Variants in IL1RAPL1 observed in about 807,000 individuals in gnomAD.
IL1RAPL1 encodes interleukin-1 receptor accessory protein-like 1.
In IL1RAPL1, 3 loss-of-function variants were observed where a neutral mutation model predicts 48.4. The observed-to-expected ratio is 0.06, with a 90% confidence interval of 0.03 to 0.16. IL1RAPL1 has a LOEUF of 0.16. IL1RAPL1 is among the 10% of genes least tolerant of loss of function. IL1RAPL1 has a pLI of 1.00. For synonymous variants in IL1RAPL1, 185 were observed against 187.7 expected (o/e 0.99, Z 0.12); for missense variants, 349 against 530.6 (o/e 0.66, Z 3.36).
intron 6 of IL1RAPL1, among the ~76,000 whole-genome samples, chrX:29,910,461 CTTGT>C (rs1395874248): frequency 1.8e-5 from 2 of 110,925 alleles, no homozygotes; most frequent in African/African-American, 6.5e-5. Flanking sequence ...ATTGTATATT[CTTGT>C]TTAACATATG....
chrX:29,384,436 A>C (rs185028307), intron 3 of IL1RAPL1, among the ~76,000 whole-genome samples: 1 of 111,921 alleles, frequency 8.9e-6, no homozygotes, highest in African/African-American at 3.2e-5. Context: ...TCCCTCATGC[A>C]TGACTCTTAC....
chrX:29,632,445 G>A (rs1316071846), intron 5 of IL1RAPL1, among the ~76,000 whole-genome samples: 1 of 111,381 alleles, frequency 9.0e-6, no homozygotes, highest in Non-Finnish European at 1.9e-5. Flanking sequence ...CACCGCGTCC[G>A]GCCTGTAACT....
chrX:29,842,055 A>G (rs1308669161), intron 6 of IL1RAPL1, among the ~76,000 whole-genome samples: 2 of 111,981 alleles, frequency 1.8e-5, no homozygotes, highest in Non-Finnish European at 3.8e-5. Flanking sequence ...GTTTTCTAGT[A>G]AGGAAATTCA....
chrX:29,923,416 G>A (rs977420938), intron 8 of IL1RAPL1, among the ~76,000 whole-genome samples: 4 of 111,962 alleles, frequency 3.6e-5, no homozygotes, highest in African/African-American at 1.3e-4. Context: ...TATGCAGCAA[G>A]AGAAAGACAG....
rs773910493 is a variant in IL1RAPL1 at position 29,172,738 on chromosome X, A to G, written c.83-110200A>G. ...CATCAGATAGGTCTAATGAAGTTTAATGAGTCTTGTGTGATTAAACATTGA... is the reference window on the plus strand; with the variant it reads ...CATCAGATAGGTCTAATGAAGTTTAGTGAGTCTTGTGTGATTAAACATTGA... On this transcript the variant is annotated intron_variant, in intron 2 of 10. Transcript: ENST00000378993. 1.8e-4 allele frequency among the ~76,000 whole-genome samples: 20 copies of G among 111,901 alleles called. No homozygotes were observed. The East Asian group carries it at 5.3e-3, about 30-fold the overall frequency.
At chrX:29,185,112 CGTGA>C (rs1003787094) in intron 2 of IL1RAPL1, among the ~76,000 whole-genome samples, 2 of 111,878 alleles carry the variant, frequency 1.8e-5, no homozygotes, top group Admixed American at 9.5e-5. Flanking sequence ...TCTAAATGAT[CGTGA>C]GTAATTTGTG....
At chrX:29,429,878 A>ATG (rs1410553867) in intron 5 of IL1RAPL1, among the ~76,000 whole-genome samples, 1 of 62,741 alleles carries the variant, frequency 1.6e-5, no homozygotes, top group African/African-American at 6.9e-5. Context: ...TAGTGTATAT[A>ATG]TATGTGTGTG....
chrX:29,806,212 C>T (rs1379683459), intron 6 of IL1RAPL1, among the ~76,000 whole-genome samples: 6 of 109,985 alleles, frequency 5.5e-5, no homozygotes, highest in South Asian at 7.6e-4. Flanking sequence ...CACGGGCACA[C>T]GTGCGTGCAC....
rs759551695 is a variant in IL1RAPL1 at position 29,189,238 on chromosome X, A to G, written c.83-93700A>G. 4.5e-5 allele frequency among the ~76,000 whole-genome samples: 5 copies of G among 112,243 alleles called. No individual in the cohort carries two copies. The Admixed American group carries it at 4.7e-4, about 11-fold the overall frequency. Reference sequence around the variant, plus strand: ...AAGGGCATGGATTTTGGACTCAATCACACTTAAGTGTTATAAGCTCTGAAT... The same window carrying G: ...AAGGGCATGGATTTTGGACTCAATCGCACTTAAGTGTTATAAGCTCTGAAT... On this transcript the variant is annotated intron_variant, in intron 2 of 10. Transcript: ENST00000378993.
In IL1RAPL1 at chrX:28,955,385, C is replaced by A. The variant is rs187726378; in HGVS notation, c.82+165960C>A. On this transcript the variant is annotated intron_variant, in intron 2 of 10. Transcript: ENST00000378993. ...GCTCTTTAAAAGCACTTCACACATA[C>A]TAGAGTCTTTACCTAATAAACTAGA... Among the ~76,000 whole-genome samples, 800 of 111,093 alleles carry A rather than the reference C, an allele frequency of 7.2e-3. 6 individuals are homozygous for A. Among genetic ancestry groups the A allele is most frequent in the Non-Finnish European group, 0.011 (579 of 52,890 alleles).
intron 1 of IL1RAPL1, among the ~76,000 whole-genome samples, chrX:28,654,246 G>T (rs1934724517): frequency 1.9e-5 from 2 of 107,490 alleles, no homozygotes; most frequent in Non-Finnish European, 1.9e-5. Context: ...AACCTTAAGG[G>T]TCTTTAAAAA....
At chrX:29,004,150 C>G (rs1363989646) in intron 2 of IL1RAPL1, among the ~76,000 whole-genome samples, 1 of 108,624 alleles carries the variant, frequency 9.2e-6, no homozygotes, top group Non-Finnish European at 1.9e-5. Flanking sequence ...GTGAGACTGT[C>G]TAGAAAAAAA....
Position 28,755,888 on chromosome X carries a change from A to G in IL1RAPL1, c.-24-33432A>G, listed in dbSNP as rs187975087. 3.6e-5 allele frequency among the ~76,000 whole-genome samples: 4 copies of G among 111,515 alleles called. No individual in the cohort carries two copies. In the East Asian group the frequency reaches 8.5e-4, roughly 24 times the overall value. On this transcript the variant is annotated intron_variant, in intron 1 of 10. Transcript: ENST00000378993. ...CTTACCCTGAGAATTTCTGATTCAG[A>G]GAGTCTAGGATTTGGCCGAGTAATT...
chrX:29,376,307 C>T (rs1933621826), intron 3 of IL1RAPL1, among the ~76,000 whole-genome samples: 1 of 110,303 alleles, frequency 9.1e-6, no homozygotes, highest in Non-Finnish European at 1.9e-5. Context: ...TGGTTTCTGC[C>T]TTCATTTCAG....
At chrX:29,831,404 G>C (rs1477613483) in intron 6 of IL1RAPL1, among the ~76,000 whole-genome samples, 2 of 111,553 alleles carry the variant, frequency 1.8e-5, no homozygotes, top group Non-Finnish European at 3.8e-5. Flanking sequence ...GACAGGAATG[G>C]AATCCCAGGC....
chrX:29,790,646 C>T (rs1392099463), intron 6 of IL1RAPL1, among the ~76,000 whole-genome samples: 1 of 111,700 alleles, frequency 9.0e-6, no homozygotes, highest in Non-Finnish European at 1.9e-5. Context: ...TTGGTGCTAT[C>T]CTTGGTTTTT....
Position 28,917,414 on chromosome X carries a change from G to A in IL1RAPL1, c.82+127989G>A, listed in dbSNP as rs752284069. On this transcript the variant is annotated intron_variant, in intron 2 of 10. Coordinates refer to ENST00000378993, the MANE Select transcript of IL1RAPL1 (RefSeq NM_014271.4). ...AAATCATTCTTTTGTGATATGACAC[G>A]CAATTTGTGACATTTTGAGCCAACA... Among the ~76,000 whole-genome samples the A allele has an allele frequency of 4.3e-3, 479 of 111,456 alleles. 4 individuals are homozygous for A. Among genetic ancestry groups the A allele is most frequent in the African/African-American group, 0.015 (449 of 30,683 alleles).
intron 5 of IL1RAPL1, among the ~76,000 whole-genome samples, chrX:29,635,371 C>T (rs1172736794): frequency 9.0e-6 from 1 of 111,675 alleles, no homozygotes; most frequent in Non-Finnish European, 1.9e-5. Flanking sequence ...AATCAGAGTA[C>T]CACTGACTTC....
At chrX:29,214,163 T>C in intron 2 of IL1RAPL1, among the ~76,000 whole-genome samples, 1 of 111,509 alleles carries the variant, frequency 9.0e-6, no homozygotes, top group South Asian at 3.8e-4. Context: ...GTGTACATTT[T>C]GTGTCTTGTG....
Sources: gnomAD v4.1 joint callset for allele counts (sites outside exome capture counted in the v4.1 genomes callset) on GRCh38, gnomAD v4.1.1 for gene constraint, MANE v1.5 for transcripts, NCBI Gene and HGNC (gene_info 2026-07-23, HGNC 2026-07-21) for gene names.